INSC: variants seen among roughly 807,000 people sequenced by gnomAD.
The protein encoded by INSC is protein inscuteable homolog.
In INSC, 67 loss-of-function variants were observed where a neutral mutation model predicts 58.6. The observed-to-expected ratio is 1.14, with a 90% CI of 0.94 to 1.40. INSC has a LOEUF of 1.40. Among genes scored for constraint, INSC ranks in the 40% most tolerant of loss-of-function variants. The pLI is 0.00. For missense variants in INSC, 714 were observed against 692.0 expected, an observed-to-expected ratio of 1.03 and a Z score of -0.36; for synonymous variants, 262 against 276.1, an observed-to-expected ratio of 0.95 and a Z score of 0.51.
intron 2 of INSC, among the ~76,000 whole-genome samples, chr11:15,149,952 T>C (rs1564870597): frequency 6.6e-6 from 1 of 152,232 alleles, no homozygotes; most frequent in Non-Finnish European, 1.5e-5. Flanking sequence ...TTCTAACTGA[T>C]CTTGCACAGC....
At chr11:15,241,289 T>C (rs1852341588) in intron 12 of INSC, among the ~76,000 whole-genome samples, 1 of 152,160 alleles carries the variant, frequency 6.6e-6, no homozygotes. Flanking sequence ...GCTCTTGTGT[T>C]CAAAGAACAT....
intron 2 of INSC, among the ~76,000 whole-genome samples, chr11:15,156,375 G>C (rs922456613): frequency 2.0e-5 from 3 of 152,184 alleles, no homozygotes; most frequent in Non-Finnish European, 4.4e-5. Flanking sequence ...TTCAGTATTA[G>C]CTAAATTGCT....
At position 15,233,939 on chromosome 11, in the gene INSC, C is replaced by T. The variant is rs1009278651; in HGVS notation, c.1171-1663C>T. On this transcript the variant is annotated intron_variant, in intron 9 of 12. Coordinates refer to ENST00000379556, the MANE Select transcript of INSC (RefSeq NM_001042536.3). ...CTCCTCCCTCATAAGAATGTGCACA[C>T]GATGCCTCTTGGGGAACTTTCCAAC... 3.9e-5 allele frequency among the ~76,000 whole-genome samples: 6 copies of T among 152,166 alleles called. No individual in the cohort carries two copies. The East Asian group carries it at 5.8e-4, about 15-fold the overall frequency.
the INSC span, among the ~76,000 whole-genome samples, chr11:15,268,089 G>T: frequency 6.6e-6 from 1 of 151,948 alleles, no homozygotes; most frequent in Non-Finnish European, 1.5e-5. Flanking sequence ...ACACTCATTA[G>T]GTTGTCAGAT....
intron 7 of INSC, among the ~76,000 whole-genome samples, chr11:15,201,845 G>A (rs1350747846): frequency 2.6e-5 from 4 of 152,182 alleles, no homozygotes; most frequent in Non-Finnish European, 5.9e-5. Flanking sequence ...TGGGGACAGG[G>A]GCCAGCAAAC....
intron 12 of INSC, among the ~76,000 whole-genome samples, chr11:15,241,024 A>G (rs1323876981): frequency 6.6e-6 from 1 of 152,184 alleles, no homozygotes; most frequent in Non-Finnish European, 1.5e-5. Context: ...AGAGTGGACT[A>G]TTCAGCAGCC....
intron 2 of INSC, among the ~76,000 whole-genome samples, chr11:15,150,198 T>A (rs1029706205): frequency 6.6e-6 from 1 of 152,202 alleles, no homozygotes; most frequent in Non-Finnish European, 1.5e-5. Flanking sequence ...AGCCTGTTAA[T>A]TGTGTATGTA....
At chr11:15,161,280 T>TA (rs1255465329) in intron 2 of INSC, among the ~76,000 whole-genome samples, 6 of 152,174 alleles carry the variant, frequency 3.9e-5, no homozygotes, top group Non-Finnish European at 5.9e-5. Flanking sequence ...AGTTATACCA[T>TA]AGGATTTACT....
intron 12 of INSC, chr11:15,241,568 C>A: frequency 1.4e-6 from 1 of 702,904 alleles, no homozygotes; most frequent in Non-Finnish European, 2.6e-6. Context: ...CTGTTCTAGG[C>A]TATGGGGATA....
intron 5 of INSC, among the ~76,000 whole-genome samples, chr11:15,183,741 A>G (rs977119956): frequency 6.6e-5 from 10 of 152,222 alleles, no homozygotes; most frequent in Non-Finnish European, 1.2e-4. Flanking sequence ...AATGACACTG[A>G]TTCTTTTAAA....
chr11:15,209,098 C>T (rs1850922467), intron 7 of INSC, among the ~76,000 whole-genome samples: 3 of 152,190 alleles, frequency 2.0e-5, no homozygotes, highest in African/African-American at 7.2e-5. Context: ...TGGAAATCTT[C>T]CTAGGCCTCC....
At chr11:15,194,000 G>A (rs1850279487) in intron 6 of INSC, among the ~76,000 whole-genome samples, 1 of 152,158 alleles carries the variant, frequency 6.6e-6, no homozygotes, top group African/African-American at 2.4e-5. Flanking sequence ...CTTCATGGCT[G>A]GATCTGAAAA....
At chr11:15,163,723 A>T (rs1226932713) in intron 2 of INSC, among the ~76,000 whole-genome samples, 1 of 152,140 alleles carries the variant, frequency 6.6e-6, no homozygotes, top group Non-Finnish European at 1.5e-5. Context: ...CTTCCTGAGT[A>T]GCTGGGACTA....
At chr11:15,232,089 C>G (rs1851946591) in intron 9 of INSC, among the ~76,000 whole-genome samples, 1 of 152,216 alleles carries the variant, frequency 6.6e-6, no homozygotes, top group African/African-American at 2.4e-5. Context: ...CCTCAATTTT[C>G]ATGTCTTTGG....
chr11:15,118,426 G>A (rs1847788529), intron 1 of INSC, among the ~76,000 whole-genome samples: 1 of 152,164 alleles, frequency 6.6e-6, no homozygotes, highest in South Asian at 2.1e-4. Flanking sequence ...AACAAAGAAT[G>A]ATTAGAATAA....
At chr11:15,171,538 C>T (rs750322594) in intron 2 of INSC, among the ~76,000 whole-genome samples, 3 of 152,186 alleles carry the variant, frequency 2.0e-5, no homozygotes, top group Non-Finnish European at 4.4e-5. Flanking sequence ...TATGCTCTCA[C>T]TGTCTTGACA....
intron 1 of INSC, among the ~76,000 whole-genome samples, chr11:15,133,908 T>C (rs575184580): frequency 8.2e-4 from 125 of 152,358 alleles, no homozygotes; most frequent in African/African-American, 2.9e-3. Context: ...TGGGCTACCA[T>C]ATTGTTGGAG....
chr11:15,232,050 C>T (rs1851945335), intron 9 of INSC, among the ~76,000 whole-genome samples: 1 of 152,210 alleles, frequency 6.6e-6, no homozygotes, highest in South Asian at 2.1e-4. Flanking sequence ...TGGGAGGTCC[C>T]CTGCTATCCT....
rs747979852 is a variant in INSC at position 15,177,061 on chromosome 11, C to T, written c.403-50C>T. 1.1e-5 allele frequency: 16 copies of T among 1,414,540 alleles called. No homozygotes were observed. In the Admixed American group the frequency reaches 2.5e-4, roughly 22 times the overall value. 87.6% of individuals were successfully genotyped at this position (1,414,540 alleles called of 1,614,324 possible). A position where few individuals can be genotyped will look rare whatever the true frequency, so the allele number is the denominator to read the frequency against. On this transcript the variant is annotated intron_variant, in intron 3 of 12. Coordinates refer to ENST00000379556, the MANE Select transcript of INSC (RefSeq NM_001042536.3). ...CCGTGTGCTCAGCACAGCAGTTGGTCCTCAGTTAATGCTTACTGAGTTGAA... is the reference window on the plus strand; with the variant it reads ...CCGTGTGCTCAGCACAGCAGTTGGTTCTCAGTTAATGCTTACTGAGTTGAA...
Sources: gnomAD v4.1 joint callset for allele counts (sites outside exome capture counted in the v4.1 genomes callset) on GRCh38, gnomAD v4.1.1 for gene constraint, MANE v1.5 for transcripts, NCBI Gene and HGNC (gene_info 2026-07-23, HGNC 2026-07-21) for gene names.